The following ME1 variants were observed in gnomAD, a reference collection of about 807,000 sequenced individuals.
ME1 encodes malic enzyme 1, also known as NADP-dependent malic enzyme.
A neutral mutation model predicts 66.4 loss-of-function variants in ME1; 74 were observed. The observed-to-expected ratio is 1.11, with a 90% CI of 0.92 to 1.35. The LOEUF (loss-of-function observed/expected upper bound fraction) is 1.35. Ranked by LOEUF, ME1 falls within the 40% of genes most tolerant of loss-of-function variation. The pLI, the probability that ME1 is intolerant of heterozygous loss-of-function variation, is 0.00. For missense variants in ME1, 750 were observed against 694.1 expected, an observed-to-expected ratio of 1.08 and a Z score of -0.90; for synonymous variants, 251 against 235.6, an observed-to-expected ratio of 1.07 and a Z score of -0.60.
In ME1 at chr6:83,212,673, C is replaced by A. The variant is rs570196335; in HGVS notation, c.1549-579G>T. Among the ~76,000 whole-genome samples the A allele has an allele frequency of 2.4e-4, 37 of 152,200 alleles. No individual in the cohort carries two copies. The South Asian group carries it at 6.2e-3, about 26-fold the overall frequency. The stretch of plus-strand genomic sequence containing the variant: ...CAGAGCTGGCTTTCTCCTTTTGTGG[C>A]TGTGCATCCTAGAACGATGCAGTAA... On this transcript the variant is annotated intron_variant, in intron 13 of 13. Coordinates refer to ENST00000369705, the MANE Select transcript of ME1 (RefSeq NM_002395.6).
In ME1 at chr6:83,407,874, G is replaced by C. The variant is rs142465619; in HGVS notation, c.106C>G (p.Gln36Glu). The C allele has an allele frequency of 1.2e-5, 19 of 1,612,482 alleles. No individual in the cohort carries two copies. The highest frequency in any genetic ancestry group is 1.5e-5 in the Non-Finnish European group (18 of 1,179,648). Residue 36 changes from glutamine to glutamate, a missense_variant, in exon 2 of 14, where the codon CAG (glutamine) becomes GAG (glutamate). Physicochemically the swap from Gln to Glu is conservative, Grantham distance 29 (BLOSUM62 2). Transcript: ENST00000369705. ...KDLAFTLEER[Q>E]QLNIHGLLPP... ...AACAATCCATGAATGTTCAATTGCT[G>C]TCTCTCTTCCAGGGTAAAGGCCAAG...
intron 9 of ME1, among the ~76,000 whole-genome samples, chr6:83,235,763 C>A (rs78312789): frequency 6.6e-5 from 10 of 152,250 alleles, no homozygotes; most frequent in African/African-American, 2.4e-4. Context: ...TGAGCCACCA[C>A]GCACAGCCAG....
intron 12 of ME1, among the ~76,000 whole-genome samples, chr6:83,217,822 T>A (rs1790022480): frequency 6.6e-6 from 1 of 152,108 alleles, no homozygotes; most frequent in Non-Finnish European, 1.5e-5. Context: ...GCAGAGGGTC[T>A]GGGTACAGAA....
At chr6:83,231,896 CTTTA>C (rs1410237243) in intron 9 of ME1, among the ~76,000 whole-genome samples, 1 of 151,952 alleles carries the variant, frequency 6.6e-6, no homozygotes, top group Admixed American at 6.6e-5. Context: ...ATAGCTGAAA[CTTTA>C]TTTGTGATAT....
intron 13 of ME1, among the ~76,000 whole-genome samples, chr6:83,212,716 AT>A (rs35732462): frequency 0.5 from 75,601 of 151,814 alleles, 21,402 homozygotes; most frequent in African/African-American, 0.79. Flanking sequence ...GTGGTGCTAT[AT>A]TTTTTTTCTA....
intron 5 of ME1, among the ~76,000 whole-genome samples, chr6:83,340,156 C>T (rs1403998172): frequency 6.6e-6 from 1 of 151,832 alleles, no homozygotes; most frequent in African/African-American, 2.4e-5. Context: ...ATAATTTGAC[C>T]ACAGTATTTT....
chr6:83,407,672 C>G (rs778605212), intron 2 of ME1, 96 bp downstream of exon 2: 37 of 1,288,322 alleles, frequency 2.9e-5, no homozygotes, highest in Non-Finnish European at 3.7e-5. Flanking sequence ...GCTACCCTTT[C>G]CAAATCATTA....
chr6:83,251,972 CAT>C (rs1387716425), intron 7 of ME1, among the ~76,000 whole-genome samples: 2 of 152,114 alleles, frequency 1.3e-5, no homozygotes, highest in Non-Finnish European at 2.9e-5. Flanking sequence ...ATGCAGAAAA[CAT>C]ATAAGAAGGG....
At position 83,325,426 on chromosome 6, in the gene ME1, T is replaced by C. The variant is rs558672856; in HGVS notation, c.601-10013A>G. 2.6e-5 allele frequency among the ~76,000 whole-genome samples: 4 copies of C among 152,256 alleles called. No homozygotes were observed. The South Asian group carries it at 8.3e-4, about 32-fold the overall frequency. The stretch of plus-strand genomic sequence containing the variant: ...AATAGGAAAAGAAGAAGTCAAATTG[T>C]CTCTCTTTGCAGACGACATGATTGT... On this transcript the variant is annotated intron_variant, in intron 5 of 13. Coordinates refer to ENST00000369705, the MANE Select transcript of ME1 (RefSeq NM_002395.6).
intron 9 of ME1, among the ~76,000 whole-genome samples, chr6:83,236,988 T>A (rs1244860271): frequency 6.6e-6 from 1 of 151,106 alleles, no homozygotes; most frequent in Non-Finnish European, 1.5e-5. Context: ...TCACTTGAGC[T>A]CAGGAGTTTG....
intron 5 of ME1, among the ~76,000 whole-genome samples, chr6:83,330,524 G>A (rs1168038783): frequency 6.6e-6 from 1 of 152,120 alleles, no homozygotes; most frequent in East Asian, 1.9e-4. Context: ...CTTAACACAT[G>A]CCCCTGATAA....
chr6:83,365,185 C>T (rs544337873), intron 3 of ME1, among the ~76,000 whole-genome samples: 4 of 152,268 alleles, frequency 2.6e-5, no homozygotes, highest in Non-Finnish European at 4.4e-5. Context: ...CTCCACCTCC[C>T]GGGTTCAACC....
intron 3 of ME1, among the ~76,000 whole-genome samples, chr6:83,384,342 T>A (rs1043723870): frequency 1.3e-4 from 20 of 151,722 alleles, no homozygotes; most frequent in Non-Finnish European, 2.1e-4. Flanking sequence ...TGATTTTTTT[T>A]AACTTTTTAA....
At chr6:83,254,068 T>G (rs1790765576) in intron 6 of ME1, among the ~76,000 whole-genome samples, 1 of 152,150 alleles carries the variant, frequency 6.6e-6, no homozygotes, top group African/African-American at 2.4e-5. Flanking sequence ...TGATAGGTGT[T>G]CCGAAGATAG....
In ME1 at chr6:83,270,507, T is replaced by G. The variant is rs193077921; in HGVS notation, c.705-16769A>C. ...ATATCCTATAGTGATTAGAAACAGC[T>G]GAGAAACTGGGTTTCTCAGAACTGC... On this transcript the variant is annotated intron_variant, in intron 6 of 13. Coordinates refer to ENST00000369705, the MANE Select transcript of ME1 (RefSeq NM_002395.6). 1.6e-3 allele frequency among the ~76,000 whole-genome samples: 243 copies of G among 152,198 alleles called. 1 individual carries two copies. The highest frequency in any genetic ancestry group is 5.6e-3 in the African/African-American group (232 of 41,548).
At chr6:83,402,379 T>A (rs1223826769) in intron 2 of ME1, among the ~76,000 whole-genome samples, 1 of 152,156 alleles carries the variant, frequency 6.6e-6, no homozygotes, top group Non-Finnish European at 1.5e-5. Flanking sequence ...AATTTCTCCT[T>A]TCTACCCCTG....
intron 6 of ME1, among the ~76,000 whole-genome samples, chr6:83,288,190 T>C (rs2128534323): frequency 6.6e-6 from 1 of 152,346 alleles, no homozygotes; most frequent in Admixed American, 6.5e-5. Flanking sequence ...TGGCTTTTGT[T>C]ACCATTGCTT....
intron 5 of ME1, among the ~76,000 whole-genome samples, chr6:83,316,952 A>G (rs1030487658): frequency 3.9e-5 from 6 of 152,086 alleles, no homozygotes; most frequent in African/African-American, 1.4e-4. Context: ...CCTGCAAAAA[A>G]TAAAAATAAA....
At chr6:83,344,287 T>C (rs1372627505) in intron 5 of ME1, among the ~76,000 whole-genome samples, 1 of 103,058 alleles carries the variant, frequency 9.7e-6, no homozygotes, top group African/African-American at 3.6e-5. Flanking sequence ...TCCTATCTCT[T>C]ACAAAAAAAA....
Sources: gnomAD v4.1 joint callset for allele counts (sites outside exome capture counted in the v4.1 genomes callset) on GRCh38, gnomAD v4.1.1 for gene constraint, MANE v1.5 for transcripts, NCBI Gene and HGNC (gene_info 2026-07-23, HGNC 2026-07-21) for gene names.